Variants in NRXN3 observed in about 807,000 individuals in gnomAD.
NRXN3 encodes the protein neurexin 3.
A neutral mutation model predicts 137.6 loss-of-function variants in NRXN3; 32 were observed. The ratio of observed to expected loss-of-function variants is 0.23; its 90% CI spans 0.18 to 0.31. NRXN3 has a LOEUF of 0.31. NRXN3 is among the 10% of genes least tolerant of loss of function. NRXN3 has a pLI of 1.00. For synonymous variants in NRXN3, 798 were observed against 784.5 expected (o/e 1.02, Z -0.29); for missense variants, 1,574 against 2,062.5 (o/e 0.76, Z 4.59).
chr14:79,374,766 C>T (rs2094211012), intron 15 of NRXN3, among the ~76,000 whole-genome samples: 1 of 152,140 alleles, frequency 6.6e-6, no homozygotes. Flanking sequence ...TTTTCATGTA[C>T]TGATTTATAA....
In NRXN3 at chr14:78,623,335, G is replaced by A. The variant is rs1004742538; in HGVS notation, c.758-21785G>A. Among the ~76,000 whole-genome samples the A allele has an allele frequency of 3.3e-5, 5 of 152,122 alleles. No homozygotes were observed. In the East Asian group the frequency reaches 9.6e-4, roughly 29 times the overall value. Reference sequence around the variant, plus strand: ...TAAAAATGGATAACTACTTAAGAAAGGCCTTTGACAATCTCTAACGTGTGA... The same window carrying A: ...TAAAAATGGATAACTACTTAAGAAAAGCCTTTGACAATCTCTAACGTGTGA... On this transcript the variant is annotated intron_variant, in intron 4 of 20. Coordinates refer to ENST00000335750, the MANE Select transcript of NRXN3 (RefSeq NM_001330195.2).
intron 4 of NRXN3, among the ~76,000 whole-genome samples, chr14:78,562,392 A>T (rs1435349526): frequency 2.4e-5 from 3 of 125,308 alleles, no homozygotes; most frequent in Non-Finnish European, 1.6e-5. Flanking sequence ...TGAGACTTAT[A>T]TCTCAAAAAA....
At chr14:78,660,336 C>G (rs2097827926) in intron 6 of NRXN3, among the ~76,000 whole-genome samples, 1 of 151,184 alleles carries the variant, frequency 6.6e-6, no homozygotes, top group Non-Finnish European at 1.5e-5. Flanking sequence ...TTTTATTCCC[C>G]TCATTCTCAA....
intron 16 of NRXN3, among the ~76,000 whole-genome samples, chr14:79,595,337 T>C (rs1208532801): frequency 9.2e-5 from 14 of 152,206 alleles, no homozygotes; most frequent in Non-Finnish European, 7.3e-5. Flanking sequence ...TTGAGTACAC[T>C]GGAGTTAGCT....
chr14:78,397,317 A>G (rs1411740755), intron 4 of NRXN3, among the ~76,000 whole-genome samples: 1 of 151,996 alleles, frequency 6.6e-6, no homozygotes, highest in Non-Finnish European at 1.5e-5. Context: ...ACCTTTTGCT[A>G]TAGTCCACAG....
chr14:79,385,687 G>A (rs1296679822), intron 15 of NRXN3, among the ~76,000 whole-genome samples: 1 of 152,014 alleles, frequency 6.6e-6, no homozygotes, highest in Non-Finnish European at 1.5e-5. Flanking sequence ...AAAGTGTGTG[G>A]CCATTTACCT....
At chr14:78,858,373 C>T (rs944213227) in intron 10 of NRXN3, among the ~76,000 whole-genome samples, 3 of 151,994 alleles carry the variant, frequency 2.0e-5, no homozygotes, top group Admixed American at 1.3e-4. Context: ...CTTTGTGGGC[C>T]AGGAAGCAGG....
At chr14:79,034,490 C>T (rs577919212) in intron 15 of NRXN3, among the ~76,000 whole-genome samples, 2 of 152,216 alleles carry the variant, frequency 1.3e-5, no homozygotes, top group East Asian at 1.9e-4. Context: ...ACTGTCTGAG[C>T]CCCGTTGTAC....
intron 4 of NRXN3, among the ~76,000 whole-genome samples, chr14:78,492,702 G>C (rs1477119964): frequency 1.3e-5 from 2 of 152,110 alleles, no homozygotes; most frequent in Non-Finnish European, 2.9e-5. Context: ...GTAGGGGCTG[G>C]GTGGATAATA....
chr14:78,904,658 C>T (rs921641933), intron 10 of NRXN3, among the ~76,000 whole-genome samples: 8 of 151,934 alleles, frequency 5.3e-5, no homozygotes, highest in East Asian at 1.9e-4. Context: ...ATTTGCTGAC[C>T]GTTCCAGTAA....
At chr14:78,682,775 G>C (rs1347268927) in intron 6 of NRXN3, among the ~76,000 whole-genome samples, 1 of 152,120 alleles carries the variant, frequency 6.6e-6, no homozygotes, top group Non-Finnish European at 1.5e-5. Flanking sequence ...CTTTCCCAAG[G>C]CCATGCTGCT....
intron 15 of NRXN3, among the ~76,000 whole-genome samples, chr14:79,348,904 C>A (rs899725247): frequency 3.3e-5 from 5 of 152,150 alleles, no homozygotes; most frequent in African/African-American, 7.2e-5. Flanking sequence ...TATCATAGAA[C>A]CTTAGGAGAG....
intron 16 of NRXN3, among the ~76,000 whole-genome samples, chr14:79,547,125 C>T (rs2153743416): frequency 6.6e-6 from 1 of 152,214 alleles, no homozygotes. Flanking sequence ...ACAGTATGTC[C>T]ATGCCCACTT....
At chr14:79,765,005 A>G (rs2099051497) in intron 19 of NRXN3, among the ~76,000 whole-genome samples, 1 of 152,200 alleles carries the variant, frequency 6.6e-6, no homozygotes, top group African/African-American at 2.4e-5. Context: ...TGTCTCGCCC[A>G]CTTCTACATC....
At chr14:78,962,428 G>C (rs1375111063) in intron 11 of NRXN3, among the ~76,000 whole-genome samples, 1 of 152,160 alleles carries the variant, frequency 6.6e-6, no homozygotes, top group Non-Finnish European at 1.5e-5. Flanking sequence ...AAGTTTGAAA[G>C]AAGCGGCTGT....
chr14:79,669,890 G>C (rs1052458981), intron 17 of NRXN3, among the ~76,000 whole-genome samples: 4 of 151,984 alleles, frequency 2.6e-5, no homozygotes, highest in African/African-American at 9.7e-5. Flanking sequence ...TTTAAAAAAA[G>C]CTCCTAAGGT....
intron 2 of NRXN3, among the ~76,000 whole-genome samples, chr14:78,252,371 G>C (rs943422601): frequency 1.3e-5 from 2 of 152,178 alleles, no homozygotes; most frequent in Non-Finnish European, 2.9e-5. Flanking sequence ...ATGAAAGAGA[G>C]GGAGGGACAA....
chr14:78,671,758 C>T (rs1437996993), intron 6 of NRXN3, among the ~76,000 whole-genome samples: 1 of 152,112 alleles, frequency 6.6e-6, no homozygotes, highest in African/African-American at 2.4e-5. Flanking sequence ...TTGATTGGCT[C>T]ACCATCTATT....
At chr14:79,718,055 T>C (rs2098829627) in intron 19 of NRXN3, among the ~76,000 whole-genome samples, 1 of 152,148 alleles carries the variant, frequency 6.6e-6, no homozygotes, top group Non-Finnish European at 1.5e-5. Flanking sequence ...ATAAATAAAT[T>C]AGCAAGAGAA....
Sources: gnomAD v4.1 joint callset for allele counts (sites outside exome capture counted in the v4.1 genomes callset) on GRCh38, gnomAD v4.1.1 for gene constraint, MANE v1.5 for transcripts, NCBI Gene and HGNC (gene_info 2026-07-23, HGNC 2026-07-21) for gene names.